Variants in SSBP2 observed in about 807,000 individuals in gnomAD.
SSBP2 encodes single stranded DNA binding protein 2, also known as single-stranded DNA-binding protein 2.
In SSBP2, 17 loss-of-function variants were observed where a neutral mutation model predicts 61.8. That is an observed-to-expected ratio of 0.28 (90% CI 0.19 to 0.41). The LOEUF (loss-of-function observed/expected upper bound fraction) is 0.41. Ranked by LOEUF, SSBP2 falls within the 10% of genes least tolerant of loss-of-function variation. SSBP2 has a pLI of 1.00. For synonymous variants in SSBP2, 139 were observed against 141.3 expected (o/e 0.98, Z 0.12); for missense variants, 310 against 458.7 (o/e 0.68, Z 2.96).
At chr5:81,433,538 T>C (rs1353469618) in intron 15 of SSBP2, among the ~76,000 whole-genome samples, 1 of 149,314 alleles carries the variant, frequency 6.7e-6, no homozygotes, top group Non-Finnish European at 1.5e-5. Flanking sequence ...CCTCCACTAT[T>C]GTCCTATGAC....
At chr5:81,701,904 AATTT>A (rs1754006910) in intron 1 of SSBP2, among the ~76,000 whole-genome samples, 2 of 152,318 alleles carry the variant, frequency 1.3e-5, no homozygotes, top group African/African-American at 4.8e-5. Context: ...CAACGATGCC[AATTT>A]ATTAATACAT....
chr5:81,466,837 T>C, intron 9 of SSBP2, 137 bp downstream of exon 9: 1 of 485,406 alleles, frequency 2.1e-6, no homozygotes, highest in Non-Finnish European at 3.6e-6. Flanking sequence ...ACTGTGGTGC[T>C]CAAATTGTTT....
intron 6 of SSBP2, among the ~76,000 whole-genome samples, chr5:81,477,777 C>T (rs1366894214): frequency 6.6e-6 from 1 of 152,088 alleles, no homozygotes; most frequent in African/African-American, 2.4e-5. Context: ...AGTAGGGACC[C>T]TATCTGTGCC....
intron 1 of SSBP2, among the ~76,000 whole-genome samples, chr5:81,660,523 C>T (rs187595834): frequency 5.8e-4 from 88 of 152,178 alleles, no homozygotes; most frequent in Middle Eastern, 3.4e-3. Flanking sequence ...GCTGGTGAGG[C>T]TGTAGAGAAA....
chr5:81,606,663 G>C (rs537536846), intron 4 of SSBP2, among the ~76,000 whole-genome samples: 50 of 152,266 alleles, frequency 3.3e-4, no homozygotes, highest in South Asian at 1.7e-3. Context: ...GTAAAATTTT[G>C]TTGAGATTCC....
chr5:81,460,511 C>G (rs918069484), intron 10 of SSBP2, among the ~76,000 whole-genome samples: 1 of 152,042 alleles, frequency 6.6e-6, no homozygotes, highest in African/African-American at 2.4e-5. Context: ...ACCACGGCCA[C>G]AAATATATAA....
At chr5:81,592,501 C>T (rs1775601863) in intron 4 of SSBP2, among the ~76,000 whole-genome samples, 1 of 152,186 alleles carries the variant, frequency 6.6e-6, no homozygotes, top group African/African-American at 2.4e-5. Context: ...TAGTGGTTCT[C>T]CCAGCATGCA....
intron 4 of SSBP2, 80 bp from the exon 5 acceptor site, chr5:81,513,797 G>T: frequency 1.2e-6 from 1 of 857,496 alleles, no homozygotes; most frequent in Non-Finnish European, 1.9e-6. Context: ...ATAGATTGCA[G>T]GACGGGATGC....
chr5:81,433,884 T>G (rs1212137707), intron 15 of SSBP2, among the ~76,000 whole-genome samples: 1 of 152,264 alleles, frequency 6.6e-6, no homozygotes, highest in Non-Finnish European at 1.5e-5. Flanking sequence ...AACAGTGCCA[T>G]CCAAGTGCAA....
chr5:81,475,680 A>G (rs1323573029), intron 6 of SSBP2, among the ~76,000 whole-genome samples: 1 of 152,086 alleles, frequency 6.6e-6, no homozygotes, highest in Non-Finnish European at 1.5e-5. Flanking sequence ...AGACAAAATA[A>G]AAACTAAACT....
intron 1 of SSBP2, among the ~76,000 whole-genome samples, chr5:81,664,977 GT>G (rs1167918817): frequency 6.6e-6 from 1 of 152,156 alleles, no homozygotes; most frequent in Non-Finnish European, 1.5e-5. Flanking sequence ...TTGTAGTACA[GT>G]TTGATGCCAA....
chr5:81,716,125 C>A (rs1460811808), intron 1 of SSBP2, among the ~76,000 whole-genome samples: 1 of 150,948 alleles, frequency 6.6e-6, no homozygotes, highest in Non-Finnish European at 1.5e-5. Context: ...TTATCTTCCA[C>A]TGTGGGAAGT....
chr5:81,746,262 G>C (rs568018664), intron 1 of SSBP2, among the ~76,000 whole-genome samples: 6 of 152,106 alleles, frequency 3.9e-5, no homozygotes, highest in Admixed American at 6.5e-5. Flanking sequence ...TCAATCAAAA[G>C]CTAACATGAC....
chr5:81,533,733 G>A (rs1770592582), intron 4 of SSBP2, among the ~76,000 whole-genome samples: 2 of 152,080 alleles, frequency 1.3e-5, no homozygotes, highest in Admixed American at 1.3e-4. Context: ...CAAAACTCAT[G>A]AGAAAAAACA....
upstream of SSBP2, chr5:81,751,343 T>G: frequency 1.3e-4 from 56 of 446,684 alleles, no homozygotes; most frequent in Middle Eastern, 6.0e-4. Flanking sequence ...CCCGCTCTCC[T>G]TCCCCCTCCC....
Position 81,542,817 on chromosome 5 carries a change from T to TTCTCTCTCTCTCTCTCTCTCTCTC in SSBP2, c.283-29124_283-29101dup, listed in dbSNP as rs60252222. Among the ~76,000 whole-genome samples the TTCTCTCTCTCTCTCTCTCTCTCTC allele has an allele frequency of 3.5e-3, 376 of 106,708 alleles. 21 individuals carry two copies. Among genetic ancestry groups the TTCTCTCTCTCTCTCTCTCTCTCTC allele is most frequent in the African/African-American group, 0.012 (283 of 24,558 alleles). The allele number at this position is 106,708 out of a possible 152,430, so 70.0% of individuals were successfully genotyped here. A position where few individuals can be genotyped will look rare whatever the true frequency, so the allele number is the denominator to read the frequency against. ...ATGGTTTTTATAAGTATTTGACAGT[T>TTCTCTCTCTCTCTCTCTCTCTCTC]TCTCTCTCTCTCTCTCTCTCTCTCT... On this transcript the variant is annotated intron_variant, in intron 4 of 16. Transcript: ENST00000320672.
Position 81,554,823 on chromosome 5 carries a change from G to A in SSBP2, c.283-41106C>T, listed in dbSNP as rs557667768. Among the ~76,000 whole-genome samples the A allele has an allele frequency of 2.0e-5, 3 of 152,166 alleles. No homozygotes were observed. In the South Asian group the frequency reaches 6.2e-4, roughly 32 times the overall value. ...AGAGATAATAAATACCATTCATGAT[G>A]ATAATTTAAATAAAAATGTGTTGAC... On this transcript the variant is annotated intron_variant, in intron 4 of 16. Coordinates refer to ENST00000320672, the MANE Select transcript of SSBP2 (RefSeq NM_012446.5).
At position 81,471,645 on chromosome 5, in the gene SSBP2, T is replaced by C. The variant is rs1023187182; in HGVS notation, c.570+2055A>G. On this transcript the variant is annotated intron_variant, in intron 8 of 16. Coordinates refer to ENST00000320672, the MANE Select transcript of SSBP2 (RefSeq NM_012446.5). The stretch of plus-strand genomic sequence containing the variant: ...TTAACATGTATCATCATTCCTAATA[T>C]GAATAGAAATAGGTAAGAATAATTC... Among the ~76,000 whole-genome samples the C allele has an allele frequency of 9.2e-5, 14 of 152,084 alleles. No individual in the cohort carries two copies. In the South Asian group the frequency reaches 2.3e-3, roughly 25 times the overall value.
In SSBP2 at chr5:81,437,375, G is replaced by A. The variant is rs576396174; in HGVS notation, c.957+55C>T. ...AAATTTACTCTAATAATTTTAATGA[G>A]TTCCATGTTAAATAAAATTCTGATT... On this transcript the variant is annotated intron_variant, in intron 15 of 16. Transcript: ENST00000320672. 380 of 1,519,888 alleles carry A rather than the reference G, an allele frequency of 2.5e-4. 5 individuals carry two copies. In the Middle Eastern group the frequency reaches 5.0e-3, roughly 20 times the overall value. The allele number at this position is 1,519,888 out of a possible 1,614,324, so 94.2% of individuals were successfully genotyped here. A position where few individuals can be genotyped will look rare whatever the true frequency, so the allele number is the denominator to read the frequency against.
Sources: gnomAD v4.1 joint callset for allele counts (sites outside exome capture counted in the v4.1 genomes callset) on GRCh38, gnomAD v4.1.1 for gene constraint, MANE v1.5 for transcripts, NCBI Gene and HGNC (gene_info 2026-07-23, HGNC 2026-07-21) for gene names.